Variants in MUSK observed in about 807,000 individuals in gnomAD.
The protein encoded by MUSK is muscle, skeletal receptor tyrosine-protein kinase.
In MUSK, 55 loss-of-function variants were observed where a neutral mutation model predicts 88.7. The observed-to-expected ratio is 0.62, with a 90% CI of 0.50 to 0.78. The LOEUF (loss-of-function observed/expected upper bound fraction) is 0.78. MUSK is among the 30% of genes least tolerant of loss of function. The pLI is 0.00. For synonymous variants in MUSK, 387 were observed against 391.9 expected (o/e 0.99, Z 0.15); for missense variants, 1,015 against 1,074.3 (o/e 0.94, Z 0.77).
chr9:110,692,872 T>C (rs182024029), intron 3 of MUSK, among the ~76,000 whole-genome samples: 1 of 152,218 alleles, frequency 6.6e-6, no homozygotes, highest in Admixed American at 6.5e-5. Flanking sequence ...AAATTGATTT[T>C]GTTTGGGTTC....
At chr9:110,781,414 C>G (rs1028888589) in intron 11 of MUSK, among the ~76,000 whole-genome samples, 11 of 152,050 alleles carry the variant, frequency 7.2e-5, no homozygotes, top group Non-Finnish European at 1.5e-4. Context: ...GTAGCTGGGA[C>G]TACAGGCGCC....
chr9:110,701,468 C>A (rs1229685306), intron 5 of MUSK, among the ~76,000 whole-genome samples: 2 of 151,828 alleles, frequency 1.3e-5, no homozygotes, highest in Non-Finnish European at 2.9e-5. Flanking sequence ...CTTTTCTTTT[C>A]TTTCTTTCCG....
intron 5 of MUSK, among the ~76,000 whole-genome samples, chr9:110,711,221 G>C (rs779081611): frequency 3.3e-5 from 5 of 152,142 alleles, no homozygotes; most frequent in Non-Finnish European, 7.3e-5. Flanking sequence ...CCTGCACGTT[G>C]TGCACAGGTA....
intron 5 of MUSK, among the ~76,000 whole-genome samples, chr9:110,730,014 T>G (rs1336328022): frequency 1.3e-5 from 2 of 152,060 alleles, no homozygotes; most frequent in Non-Finnish European, 2.9e-5. Flanking sequence ...CTGAAAGTGC[T>G]TTGAAATAAG....
At chr9:110,703,042 T>C (rs1050247348) in intron 5 of MUSK, among the ~76,000 whole-genome samples, 2 of 152,142 alleles carry the variant, frequency 1.3e-5, no homozygotes, top group Admixed American at 1.3e-4. Context: ...CCAAGTTACA[T>C]AGGCTTTTCA....
At chr9:110,765,285 A>G (rs2846457) in intron 8 of MUSK, among the ~76,000 whole-genome samples, 106,296 of 152,016 alleles carry the variant, frequency 0.7, 38,435 homozygotes, top group Non-Finnish European at 0.8. Context: ...AAGCGTAAAG[A>G]GTCACACATG....
At chr9:110,684,662 T>A (rs2076171927) in intron 2 of MUSK, among the ~76,000 whole-genome samples, 1 of 152,088 alleles carries the variant, frequency 6.6e-6, no homozygotes, top group Non-Finnish European at 1.5e-5. Flanking sequence ...CTTTCATTGA[T>A]GTCTTACAGT....
chr9:110,789,563 G>C (rs2077936731), intron 14 of MUSK, among the ~76,000 whole-genome samples: 1 of 152,186 alleles, frequency 6.6e-6, no homozygotes, highest in African/African-American at 2.4e-5. Context: ...CAGATCACCT[G>C]AGGTCAGGAA....
At chr9:110,713,669 G>T (rs1433084200) in intron 5 of MUSK, among the ~76,000 whole-genome samples, 2 of 152,150 alleles carry the variant, frequency 1.3e-5, no homozygotes, top group African/African-American at 4.8e-5. Context: ...CCATCTAAAA[G>T]GTTACAGAAA....
intron 5 of MUSK, among the ~76,000 whole-genome samples, chr9:110,706,623 G>T (rs10217421): frequency 0.05 from 7,624 of 152,174 alleles, 451 homozygotes; most frequent in African/African-American, 0.14. Context: ...TTCAGTGAGG[G>T]TTTGCTATCA....
chr9:110,788,008 T>C (rs1347395197), intron 14 of MUSK, 170 bp downstream of exon 14: 2 of 686,394 alleles, frequency 2.9e-6, no homozygotes, highest in Non-Finnish European at 5.2e-6. Context: ...AGGACATTCA[T>C]GGCTTAATGG....
intron 14 of MUSK, among the ~76,000 whole-genome samples, chr9:110,799,652 A>G (rs192137521): frequency 1.3e-5 from 2 of 152,338 alleles, no homozygotes; most frequent in East Asian, 3.9e-4. Context: ...CTGCTCTGCC[A>G]GACACGTGGT....
chr9:110,786,986 C>T (rs2077879061), intron 13 of MUSK, among the ~76,000 whole-genome samples: 1 of 152,110 alleles, frequency 6.6e-6, no homozygotes. Flanking sequence ...TGCAAGGCAC[C>T]ACTTTAGGCT....
chr9:110,673,057 G>C (rs1052607013), intron 1 of MUSK, among the ~76,000 whole-genome samples: 7 of 152,194 alleles, frequency 4.6e-5, no homozygotes, highest in African/African-American at 1.4e-4. Context: ...GTAAACAAGA[G>C]ACAGTGTGCT....
intron 1 of MUSK, among the ~76,000 whole-genome samples, chr9:110,682,272 A>T (rs1587890015): frequency 1.3e-5 from 2 of 152,208 alleles, no homozygotes; most frequent in East Asian, 1.9e-4. Context: ...ACAATTTTTT[A>T]AATTATTATC....
At chr9:110,697,908 G>GA (rs138315579) in intron 5 of MUSK, among the ~76,000 whole-genome samples, 45,754 of 148,364 alleles carry the variant, frequency 0.31, 7,446 homozygotes, top group East Asian at 0.42. Flanking sequence ...CACAAAGCTT[G>GA]AAAAAAAAAA....
chr9:110,674,610 ATAT>A (rs1221693318), intron 1 of MUSK, among the ~76,000 whole-genome samples: 4 of 151,772 alleles, frequency 2.6e-5, no homozygotes, highest in East Asian at 1.9e-4. Flanking sequence ...GATGATGATG[ATAT>A]TATTATTATT....
At chr9:110,757,463 A>G (rs1265292426) in intron 7 of MUSK, among the ~76,000 whole-genome samples, 1 of 151,674 alleles carries the variant, frequency 6.6e-6, no homozygotes, top group Non-Finnish European at 1.5e-5. Flanking sequence ...TGTCTTGAAA[A>G]AAAAAAAAAA....
chr9:110,740,265 A>AT (rs891561104), intron 6 of MUSK, among the ~76,000 whole-genome samples: 3 of 151,880 alleles, frequency 2.0e-5, no homozygotes, highest in Admixed American at 6.6e-5. Context: ...AAAAAACAGA[A>AT]TTTTTTTTCC....
Sources: allele counts gnomAD v4.1 joint callset (sites outside exome capture counted in the v4.1 genomes callset), GRCh38; gene constraint gnomAD v4.1.1; transcripts MANE v1.5; gene names NCBI Gene and HGNC (gene_info 2026-07-23, HGNC 2026-07-21).